The following UNC5C variants were observed in gnomAD, a reference collection of about 807,000 sequenced individuals.
UNC5C encodes netrin receptor UNC5C.
Under a neutral mutation model 99.8 loss-of-function variants are expected in UNC5C, and 47 were observed. The ratio of observed to expected loss-of-function variants is 0.47; its 90% CI spans 0.37 to 0.60. UNC5C has a LOEUF of 0.60. Among genes scored for constraint, UNC5C ranks in the 20% least tolerant of loss-of-function variants. UNC5C has a pLI of 0.00. For missense variants in UNC5C, 1,062 were observed against 1,165.9 expected, an observed-to-expected ratio of 0.91 and a Z score of 1.30; for synonymous variants, 487 against 452.2, an observed-to-expected ratio of 1.08 and a Z score of -0.98.
intron 1 of UNC5C, among the ~76,000 whole-genome samples, chr4:95,378,107 T>G (rs1003532194): frequency 1.3e-5 from 2 of 152,194 alleles, no homozygotes; most frequent in Admixed American, 6.5e-5. Flanking sequence ...AATCCAAGAT[T>G]CAGTAGTTTA....
chr4:95,450,523 A>G (rs1560837695), intron 1 of UNC5C, among the ~76,000 whole-genome samples: 1 of 152,210 alleles, frequency 6.6e-6, no homozygotes, highest in Admixed American at 6.5e-5. Context: ...TACTTCTTAC[A>G]TCAAAGATCT....
At chr4:95,283,077 T>A (rs1741118518) in intron 3 of UNC5C, among the ~76,000 whole-genome samples, 1 of 152,158 alleles carries the variant, frequency 6.6e-6, no homozygotes, top group Non-Finnish European at 1.5e-5. Flanking sequence ...TTTTCCAAAA[T>A]TTTAAGGTGA....
intron 1 of UNC5C, among the ~76,000 whole-genome samples, chr4:95,389,980 C>T (rs80009939): frequency 0.015 from 2,251 of 152,104 alleles, 63 homozygotes; most frequent in African/African-American, 0.051. Context: ...GACAGCATTA[C>T]GCTAGAAAGT....
chr4:95,218,186 C>G (rs546136312), intron 9 of UNC5C, among the ~76,000 whole-genome samples: 1 of 152,196 alleles, frequency 6.6e-6, no homozygotes, highest in African/African-American at 2.4e-5. Context: ...CAGCCTTGCC[C>G]AAAAGAATTA....
chr4:95,173,499 CAT>C (rs1736209602), intron 14 of UNC5C, among the ~76,000 whole-genome samples: 1 of 149,252 alleles, frequency 6.7e-6, no homozygotes, highest in Non-Finnish European at 1.5e-5. Context: ...TTGAGATAAT[CAT>C]GTGGTTTTTG....
chr4:95,466,276 A>T (rs375552503), intron 1 of UNC5C, among the ~76,000 whole-genome samples: 4 of 152,176 alleles, frequency 2.6e-5, no homozygotes, highest in Non-Finnish European at 5.9e-5. Flanking sequence ...ATACTGCCTT[A>T]CCCAAAATAG....
chr4:95,334,767 C>A (rs539794527), intron 2 of UNC5C, among the ~76,000 whole-genome samples: 197 of 151,954 alleles, frequency 1.3e-3, no homozygotes, highest in Non-Finnish European at 2.2e-3. Flanking sequence ...GAGTTTTAAC[C>A]AAGCCAGGGG....
chr4:95,425,169 C>T (rs1162092453), intron 1 of UNC5C, among the ~76,000 whole-genome samples: 1 of 152,204 alleles, frequency 6.6e-6, no homozygotes, highest in Non-Finnish European at 1.5e-5. Context: ...TCACCAAATA[C>T]AGGATCCCTT....
intron 12 of UNC5C, among the ~76,000 whole-genome samples, chr4:95,192,597 T>C (rs1222366272): frequency 7.8e-6 from 1 of 128,480 alleles, no homozygotes; most frequent in East Asian, 2.7e-4. Flanking sequence ...CCTTCTCACC[T>C]CCTTCCCTGC....
Position 95,172,017 on chromosome 4 carries a change from T to G in UNC5C, c.2452-1685A>C, listed in dbSNP as rs1219600185. The stretch of plus-strand genomic sequence containing the variant: ...ATGGTGAGCATTTTTTCATGTGTTT[T>G]TTGGCTGCATAAATGTCTTCTTTTG... On this transcript the variant is annotated intron_variant, in intron 14 of 15. Transcript: ENST00000453304. Among the ~76,000 whole-genome samples the G allele has an allele frequency of 8.5e-3, 1,274 of 149,634 alleles. 47 individuals are homozygous for G. Among genetic ancestry groups the G allele is most frequent in the Admixed American group, 0.063 (942 of 14,980 alleles).
chr4:95,377,445 A>T (rs1381941244), intron 1 of UNC5C, among the ~76,000 whole-genome samples: 1 of 152,200 alleles, frequency 6.6e-6, no homozygotes, highest in Non-Finnish European at 1.5e-5. Flanking sequence ...TAAGATAAAA[A>T]TCCCTCTAAT....
At chr4:95,532,886 A>T (rs191335796) in intron 1 of UNC5C, among the ~76,000 whole-genome samples, 1 of 150,520 alleles carries the variant, frequency 6.6e-6, no homozygotes, top group African/African-American at 2.5e-5. Flanking sequence ...ATCATATTCT[A>T]AAGGTAACTG....
At chr4:95,348,964 G>A (rs1243093031) in intron 1 of UNC5C, among the ~76,000 whole-genome samples, 4 of 143,256 alleles carry the variant, frequency 2.8e-5, no homozygotes, top group Non-Finnish European at 4.6e-5. Flanking sequence ...GTTACCAGAA[G>A]CTGGGAAGGG....
In UNC5C at chr4:95,170,341, C is replaced by G. The variant is rs187612079; in HGVS notation, c.2452-9G>C. On this transcript the variant is annotated splice_polypyrimidine_tract_variant and intron_variant, in intron 14 of 15. Coordinates refer to ENST00000453304, the MANE Select transcript of UNC5C (RefSeq NM_003728.4). The stretch of plus-strand genomic sequence containing the variant: ...TCGATGCCAGTAGGTTCCTGTAGTT[C>G]AGGGACAGGAACAACACAGCATTAT... 3 of 1,613,270 alleles carry G rather than the reference C, an allele frequency of 1.9e-6. No individual in the cohort carries two copies. The highest frequency in any genetic ancestry group is 2.5e-6 in the Non-Finnish European group (3 of 1,179,342).
intron 7 of UNC5C, among the ~76,000 whole-genome samples, chr4:95,234,387 T>C (rs930150052): frequency 1.3e-5 from 2 of 151,948 alleles, no homozygotes; most frequent in Non-Finnish European, 2.9e-5. Context: ...TTACCTTTTT[T>C]TTATTATACT....
rs1241438886 is a variant in UNC5C, at chr4:95,449,096, G to T, written c.124+99638C>A. ...AAAAACAAATTATATCAACAAAAAA[G>T]ACACTTGAAATATTGCTACTTTGTT... On this transcript the variant is annotated intron_variant, in intron 1 of 15. Coordinates refer to ENST00000453304, the MANE Select transcript of UNC5C (RefSeq NM_003728.4). Among the ~76,000 whole-genome samples the T allele has an allele frequency of 4.6e-5, 7 of 152,168 alleles. No homozygotes were observed. In the East Asian group the frequency reaches 1.4e-3, roughly 29 times the overall value.
chr4:95,372,061 T>C (rs1744764814), intron 1 of UNC5C, among the ~76,000 whole-genome samples: 1 of 152,196 alleles, frequency 6.6e-6, no homozygotes, highest in African/African-American at 2.4e-5. Flanking sequence ...GTAACAATCC[T>C]ATCACATAAT....
At chr4:95,535,738 T>C (rs1722756159) in intron 1 of UNC5C, among the ~76,000 whole-genome samples, 1 of 152,286 alleles carries the variant, frequency 6.6e-6, no homozygotes, top group Non-Finnish European at 1.5e-5. Flanking sequence ...TGGTTGTACA[T>C]CTTAATATTT....
At chr4:95,256,277 A>C (rs1277895000) in intron 4 of UNC5C, among the ~76,000 whole-genome samples, 2 of 152,116 alleles carry the variant, frequency 1.3e-5, no homozygotes, top group Admixed American at 6.5e-5. Context: ...TCGTATATCC[A>C]ACTGTCTTCA....
Sources: allele counts gnomAD v4.1 joint callset (sites outside exome capture counted in the v4.1 genomes callset), GRCh38; gene constraint gnomAD v4.1.1; transcripts MANE v1.5; gene names NCBI Gene and HGNC (gene_info 2026-07-23, HGNC 2026-07-21).